ESCO1: variants seen among roughly 807,000 people sequenced by gnomAD.
ESCO1 encodes N-acetyltransferase ESCO1.
Under a neutral mutation model 83.5 loss-of-function variants are expected in ESCO1, and 33 were observed. The observed-to-expected ratio is 0.40, with a 90% CI of 0.30 to 0.53. ESCO1 has a LOEUF of 0.53. Among genes scored for constraint, ESCO1 ranks in the 20% least tolerant of loss-of-function variants. The pLI, the probability that ESCO1 is intolerant of heterozygous loss-of-function variation, is 0.63. For missense variants in ESCO1, 855 were observed against 968.0 expected (o/e 0.88, Z 1.55); for synonymous variants, 332 against 324.3 (o/e 1.02, Z -0.25).
chr18:21,563,714 A>T (rs2038219997), intron 7 of ESCO1, among the ~76,000 whole-genome samples: 1 of 152,172 alleles, frequency 6.6e-6, no homozygotes, highest in Non-Finnish European at 1.5e-5. Context: ...GAATGAATTT[A>T]TTCTTTAAAA....
chr18:21,583,016 AC>A (rs1296318338), intron 2 of ESCO1, among the ~76,000 whole-genome samples: 5 of 152,106 alleles, frequency 3.3e-5, no homozygotes, highest in Non-Finnish European at 7.4e-5. Context: ...ACACGGCAAA[AC>A]CCCGTCTCTA....
intron 8 of ESCO1, among the ~76,000 whole-genome samples, chr18:21,558,771 G>A (rs943502400): frequency 6.8e-6 from 1 of 148,038 alleles, no homozygotes; most frequent in African/African-American, 2.5e-5. Context: ...AAAACTAGTT[G>A]TTTCTAATTT....
At chr18:21,553,134 T>TA (rs879836026) in intron 8 of ESCO1, among the ~76,000 whole-genome samples, 1 of 151,850 alleles carries the variant, frequency 6.6e-6, no homozygotes, top group Non-Finnish European at 1.5e-5. Flanking sequence ...TACAAAAAAT[T>TA]AAAAAATTAG....
At chr18:21,583,192 C>CA (rs1444700216) in intron 2 of ESCO1, among the ~76,000 whole-genome samples, 10 of 151,526 alleles carry the variant, frequency 6.6e-5, no homozygotes, top group Non-Finnish European at 1.2e-4. Context: ...AAAAACAAAA[C>CA]AAAAAAATCA....
At chr18:21,590,588 T>G (rs914631898) in intron 1 of ESCO1, among the ~76,000 whole-genome samples, 6 of 152,170 alleles carry the variant, frequency 3.9e-5, no homozygotes, top group African/African-American at 1.4e-4. Flanking sequence ...TTTACTTTAA[T>G]TGAATTTGTA....
intron 9 of ESCO1, 27 bp downstream of exon 9, chr18:21,539,893 C>A: frequency 6.3e-7 from 1 of 1,576,738 alleles, no homozygotes; most frequent in Middle Eastern, 1.7e-4. Flanking sequence ...ATTATCCACT[C>A]TACATGAAGT....
intron 1 of ESCO1, among the ~76,000 whole-genome samples, chr18:21,596,329 A>T (rs1005139536): frequency 6.6e-6 from 1 of 152,172 alleles, no homozygotes; most frequent in African/African-American, 2.4e-5. Flanking sequence ...AAGACCAAAA[A>T]GTTTGAGAAA....
chr18:21,550,509 A>C (rs1330053840), intron 8 of ESCO1, among the ~76,000 whole-genome samples: 1 of 152,222 alleles, frequency 6.6e-6, no homozygotes, highest in Non-Finnish European at 1.5e-5. Flanking sequence ...TTCACATTTT[A>C]AGCACTTTTC....
intron 1 of ESCO1, among the ~76,000 whole-genome samples, chr18:21,596,352 G>GT (rs1400966422): frequency 6.6e-6 from 1 of 152,142 alleles, no homozygotes; most frequent in Non-Finnish European, 1.5e-5. Flanking sequence ...CTGCATTAAA[G>GT]TAATACTTAA....
intron 2 of ESCO1, among the ~76,000 whole-genome samples, chr18:21,577,129 C>A (rs1027296794): frequency 4.0e-4 from 60 of 151,684 alleles, no homozygotes; most frequent in African/African-American, 1.4e-3. Flanking sequence ...TCGAGGCAGG[C>A]GAATCACTTG....
intron 2 of ESCO1, among the ~76,000 whole-genome samples, chr18:21,577,109 C>T (rs1306005259): frequency 1.3e-5 from 2 of 151,832 alleles, no homozygotes; most frequent in Admixed American, 6.6e-5. Flanking sequence ...AATCCCAACA[C>T]TTTGGGAGGT....
chr18:21,561,813 C>T (rs762260633), intron 7 of ESCO1, among the ~76,000 whole-genome samples: 2 of 152,154 alleles, frequency 1.3e-5, no homozygotes, highest in Non-Finnish European at 2.9e-5. Context: ...AGCGATCCTC[C>T]TGCCTCGGCC....
intron 8 of ESCO1, among the ~76,000 whole-genome samples, chr18:21,558,199 T>C (rs1413793699): frequency 6.6e-6 from 1 of 151,960 alleles, no homozygotes; most frequent in Non-Finnish European, 1.5e-5. Context: ...AGCTGCTTCC[T>C]AGTTTCTAAT....
rs139004047 is a variant in ESCO1 at position 21,544,454 on chromosome 18, A to T, written c.1954-4445T>A. The stretch of plus-strand genomic sequence containing the variant: ...AAACCTCGTTTCTACTAAAAATACA[A>T]AAAAAAAACAAAAAAAAAACAAAAA... On this transcript the variant is annotated intron_variant, in intron 8 of 11. Transcript: ENST00000269214. 1.4e-4 allele frequency among the ~76,000 whole-genome samples: 20 copies of T among 148,004 alleles called. No homozygotes were observed. The South Asian group carries it at 3.6e-3, about 27-fold the overall frequency.
intron 8 of ESCO1, among the ~76,000 whole-genome samples, chr18:21,544,877 A>G (rs1242999342): frequency 6.6e-6 from 1 of 152,222 alleles, no homozygotes; most frequent in Non-Finnish European, 1.5e-5. Context: ...TTAGAAGTAA[A>G]AAATAAATGC....
At chr18:21,540,737 A>G (rs770316946) in intron 8 of ESCO1, 1 of 1,250,742 alleles carries the variant, frequency 8.0e-7, no homozygotes, top group Non-Finnish European at 1.0e-6. Context: ...AAGCCACTTA[A>G]ATCTAGTAAG....
At chr18:21,571,094 A>G (rs971804389) in intron 4 of ESCO1, among the ~76,000 whole-genome samples, 2 of 152,188 alleles carry the variant, frequency 1.3e-5, no homozygotes, top group African/African-American at 4.8e-5. Flanking sequence ...GGTGGTAGAC[A>G]TATGAGAGTA....
chr18:21,562,011 C>T lies in ESCO1; in HGVS notation c.1822-1021G>A, dbSNP rs150174478. On this transcript the variant is annotated intron_variant, in intron 7 of 11. Transcript: ENST00000269214. Reference sequence around the variant, plus strand: ...CTCCTGCCTCAGCCTCCTGAGTAGACGGGATTACAGGCACCCACCAACATG... The same window carrying T: ...CTCCTGCCTCAGCCTCCTGAGTAGATGGGATTACAGGCACCCACCAACATG... Among the ~76,000 whole-genome samples, 8 of 151,954 alleles carry T rather than the reference C, an allele frequency of 5.3e-5. No homozygotes were observed. In the South Asian group the frequency reaches 6.3e-4, roughly 12 times the overall value.
intron 8 of ESCO1, among the ~76,000 whole-genome samples, chr18:21,554,946 A>G (rs1468118559): frequency 6.6e-6 from 1 of 151,908 alleles, no homozygotes; most frequent in Non-Finnish European, 1.5e-5. Context: ...AAATAAAAAA[A>G]TTAGCCAGGT....
Sources: gnomAD v4.1 joint callset for allele counts (sites outside exome capture counted in the v4.1 genomes callset) on GRCh38, gnomAD v4.1.1 for gene constraint, MANE v1.5 for transcripts, NCBI Gene and HGNC (gene_info 2026-07-23, HGNC 2026-07-21) for gene names.